EPM2A: variants seen among roughly 807,000 people sequenced by gnomAD.
The protein encoded by EPM2A is EPM2A glucan phosphatase, laforin.
Under a neutral mutation model 26.5 loss-of-function variants are expected in EPM2A, and 21 were observed. The observed-to-expected ratio is 0.79, with a 90% CI of 0.56 to 1.14. The LOEUF (loss-of-function observed/expected upper bound fraction) is 1.14. EPM2A is among the 50% of genes most tolerant of loss of function. EPM2A has a pLI of 0.00. For missense variants in EPM2A, 458 were observed against 440.8 expected (o/e 1.04, Z -0.35); for synonymous variants, 217 against 177.6 (o/e 1.22, Z -1.76).
chr6:145,591,173 G>A (rs556970488), intron 2 of EPM2A, among the ~76,000 whole-genome samples: 3 of 151,450 alleles, frequency 2.0e-5, no homozygotes, highest in Non-Finnish European at 4.4e-5. Context: ...AAGATTAAAA[G>A]AATAAAAAAA....
At chr6:145,657,230 CA>C (rs1778365410) in intron 2 of EPM2A, among the ~76,000 whole-genome samples, 1 of 151,718 alleles carries the variant, frequency 6.6e-6, no homozygotes. Context: ...GCTGGGACTA[CA>C]GGCGAGCACC....
intron 4 of EPM2A, among the ~76,000 whole-genome samples, chr6:145,404,523 C>A (rs1778540740): frequency 6.6e-6 from 1 of 152,032 alleles, no homozygotes; most frequent in African/African-American, 2.4e-5. Context: ...GCCCTTCATT[C>A]AATCATGTGC....
In EPM2A at chr6:145,634,265, G is replaced by A. The variant is rs1018943573; in HGVS notation, c.718+980C>T. Among the ~76,000 whole-genome samples the A allele has an allele frequency of 6.6e-5, 10 of 152,114 alleles. No homozygotes were observed. In the Middle Eastern group the frequency reaches 0.014, roughly 207 times the overall value. ...ACTGTAGTTATCTCTACTCCTCTTC[G>A]ACAAGTACCCTATTCTACAACCAGG... On this transcript the variant is annotated intron_variant, in intron 3 of 3. Coordinates refer to ENST00000367519, the MANE Select transcript of EPM2A (RefSeq NM_005670.4).
chr6:145,439,379 A>G (rs1042591669), intron 4 of EPM2A, among the ~76,000 whole-genome samples: 8 of 152,174 alleles, frequency 5.3e-5, no homozygotes, highest in African/African-American at 1.9e-4. Flanking sequence ...TCTTTGAGGA[A>G]TCACCACTCT....
At chr6:145,521,858 G>A (rs1335412845) in intron 2 of EPM2A, among the ~76,000 whole-genome samples, 3 of 152,202 alleles carry the variant, frequency 2.0e-5, no homozygotes, top group East Asian at 1.9e-4. Context: ...TGTGACTAAT[G>A]AGGTTTGTCA....
At chr6:145,403,333 T>C (rs1240175969) in intron 4 of EPM2A, among the ~76,000 whole-genome samples, 3 of 137,094 alleles carry the variant, frequency 2.2e-5, no homozygotes, top group Non-Finnish European at 4.9e-5. Flanking sequence ...GTAGGTCTTA[T>C]TCATTCTTTC....
chr6:145,529,326 T>C (rs1398644756), intron 2 of EPM2A, among the ~76,000 whole-genome samples: 1 of 152,106 alleles, frequency 6.6e-6, no homozygotes, highest in Non-Finnish European at 1.5e-5. Flanking sequence ...AGATAAATCT[T>C]TTATGAAAGG....
chr6:145,488,614 T>C (rs1451378167), intron 4 of EPM2A, among the ~76,000 whole-genome samples: 1 of 152,010 alleles, frequency 6.6e-6, no homozygotes, highest in Non-Finnish European at 1.5e-5. Flanking sequence ...CCCCACAGTT[T>C]AGCACTCTTA....
chr6:145,586,300 G>A (rs572125511), intron 2 of EPM2A, among the ~76,000 whole-genome samples: 1 of 152,210 alleles, frequency 6.6e-6, no homozygotes, highest in East Asian at 1.9e-4. Flanking sequence ...TATTTTTCCT[G>A]TTATACCATC....
intron 2 of EPM2A, among the ~76,000 whole-genome samples, chr6:145,654,655 A>G (rs1235090284): frequency 1.3e-5 from 2 of 152,226 alleles, no homozygotes; most frequent in African/African-American, 4.8e-5. Context: ...AACGGTAGGT[A>G]TAAGTAATCT....
chr6:145,409,109 T>C (rs1416220447), intron 4 of EPM2A, among the ~76,000 whole-genome samples: 1 of 152,208 alleles, frequency 6.6e-6, no homozygotes, highest in Admixed American at 6.5e-5. Flanking sequence ...TTAAAATTTC[T>C]AAGCAAAAGA....
intron 2 of EPM2A, among the ~76,000 whole-genome samples, chr6:145,651,361 G>A (rs1446844905): frequency 6.6e-6 from 1 of 152,080 alleles, no homozygotes. Flanking sequence ...TTCATTATTT[G>A]TGGCACCCTG....
chr6:145,556,977 C>G lies in EPM2A; in HGVS notation c.341-54402G>C, dbSNP rs1439391197. On this transcript the variant is annotated intron_variant, in intron 2 of 3. Coordinates refer to the EPM2A transcript ENST00000450221. ...AGAAGACTTTCAGCTCATAACAATTCATGTTAGACATGGGTTCCATTCTAT... is the reference window on the plus strand; with the variant it reads ...AGAAGACTTTCAGCTCATAACAATTGATGTTAGACATGGGTTCCATTCTAT... 2.0e-5 allele frequency among the ~76,000 whole-genome samples: 3 copies of G among 151,994 alleles called. 1 individual carries two copies. The highest frequency in any genetic ancestry group is 7.2e-5 in the African/African-American group (3 of 41,400).
At chr6:145,585,967 C>A (rs2114841221) in intron 2 of EPM2A, among the ~76,000 whole-genome samples, 1 of 152,290 alleles carries the variant, frequency 6.6e-6, no homozygotes, top group East Asian at 1.9e-4. Context: ...AGTCTTGTGA[C>A]TGGGAATTTT....
chr6:145,632,764 A>G (rs1004483632), intron 3 of EPM2A, among the ~76,000 whole-genome samples: 1 of 152,150 alleles, frequency 6.6e-6, no homozygotes, highest in African/African-American at 2.4e-5. Context: ...TGATTAATCT[A>G]TGTGTTCATT....
chr6:145,577,106 G>A (rs983421840), intron 2 of EPM2A, among the ~76,000 whole-genome samples: 1 of 151,222 alleles, frequency 6.6e-6, no homozygotes, highest in African/African-American at 2.4e-5. Context: ...AATAAAGATA[G>A]CAAGAAAGGA....
At chr6:145,582,385 A>G (rs1484116977) in intron 2 of EPM2A, among the ~76,000 whole-genome samples, 2 of 152,186 alleles carry the variant, frequency 1.3e-5, no homozygotes, top group Non-Finnish European at 1.5e-5. Context: ...AGTATGTGCC[A>G]TGCACAGAGA....
intron 4 of EPM2A, among the ~76,000 whole-genome samples, chr6:145,466,374 C>G (rs1201364395): frequency 2.6e-5 from 4 of 152,038 alleles, no homozygotes. Flanking sequence ...TTTATGCAGG[C>G]AAAAAACACA....
chr6:145,485,983 C>T (rs1779666548), intron 4 of EPM2A, among the ~76,000 whole-genome samples: 2 of 152,200 alleles, frequency 1.3e-5, no homozygotes, highest in African/African-American at 4.8e-5. Flanking sequence ...CCAGGTCCCT[C>T]CCACCACATG....
Sources: gnomAD v4.1 joint callset for allele counts (sites outside exome capture counted in the v4.1 genomes callset) on GRCh38, gnomAD v4.1.1 for gene constraint, MANE v1.5 for transcripts, NCBI Gene and HGNC (gene_info 2026-07-23, HGNC 2026-07-21) for gene names.